The following COL25A1 variants were observed in gnomAD, a reference collection of about 807,000 sequenced individuals.
COL25A1 encodes collagen alpha-1(XXV) chain.
A neutral mutation model predicts 128.4 loss-of-function variants in COL25A1; 103 were observed. That is an observed-to-expected ratio of 0.80 (90% CI 0.68 to 0.94). The LOEUF is 0.94. COL25A1 is among the 40% of genes least tolerant of loss of function. The pLI, the probability that COL25A1 is intolerant of heterozygous loss-of-function variation, is 0.00. For missense variants in COL25A1, 745 were observed against 840.0 expected (o/e 0.89, Z 1.40); for synonymous variants, 279 against 277.2 (o/e 1.01, Z -0.06).
intron 3 of COL25A1, among the ~76,000 whole-genome samples, chr4:109,256,085 G>GGT (rs60794002): frequency 0.12 from 16,523 of 143,178 alleles, 1,035 homozygotes; most frequent in South Asian, 0.2. Flanking sequence ...TTTAAGCATT[G>GGT]GTGTGTGTGT....
At chr4:109,104,224 T>G (rs1766176838) in intron 3 of COL25A1, among the ~76,000 whole-genome samples, 1 of 151,726 alleles carries the variant, frequency 6.6e-6, no homozygotes. Flanking sequence ...AAATGAAAAA[T>G]TAGCTGGGTA....
At chr4:109,041,259 CCTCA>C (rs1455265115) in intron 5 of COL25A1, among the ~76,000 whole-genome samples, 2 of 152,016 alleles carry the variant, frequency 1.3e-5, no homozygotes, top group African/African-American at 4.8e-5. Context: ...GATAAAAAGT[CCTCA>C]CTATCAATGA....
At chr4:109,279,798 T>C (rs1054491459) in intron 3 of COL25A1, among the ~76,000 whole-genome samples, 2 of 152,208 alleles carry the variant, frequency 1.3e-5, no homozygotes, top group Admixed American at 6.5e-5. Context: ...TTTATTCTAC[T>C]ATGTATCTAC....
intron 13 of COL25A1, among the ~76,000 whole-genome samples, chr4:108,916,057 G>A (rs945543812): frequency 7.9e-5 from 12 of 152,134 alleles, no homozygotes; most frequent in Non-Finnish European, 1.8e-4. Flanking sequence ...TGCTGTTTCA[G>A]TGAAGGAGAC....
At chr4:109,042,524 T>C (rs1760015889) in intron 5 of COL25A1, among the ~76,000 whole-genome samples, 1 of 152,024 alleles carries the variant, frequency 6.6e-6, no homozygotes, top group African/African-American at 2.4e-5. Flanking sequence ...AATGACTGAA[T>C]TGATCTAGCT....
intron 3 of COL25A1, among the ~76,000 whole-genome samples, chr4:109,266,717 G>C (rs775067349): frequency 2.6e-5 from 4 of 151,130 alleles, no homozygotes; most frequent in Non-Finnish European, 4.4e-5. Flanking sequence ...CATAGAAAGT[G>C]ACATGAAAAC....
chr4:109,293,068 A>G (rs778278768), intron 3 of COL25A1, among the ~76,000 whole-genome samples: 1 of 152,076 alleles, frequency 6.6e-6, no homozygotes, highest in Non-Finnish European at 1.5e-5. Context: ...TTGGGGTTTC[A>G]TAATTCCTGG....
Position 108,918,163 on chromosome 4 carries a change from A to G in COL25A1, c.780+9T>C. On this transcript the variant is annotated intron_variant, in intron 13 of 37. Transcript: ENST00000399132. ...TTATTTTTAAAATACAATATTCTAT[A>G]GAACTCACCTTTTGCCCATTCATCC... is the stretch of plus-strand genomic sequence containing the variant. 2 of 1,572,360 alleles carry G rather than the reference A, an allele frequency of 1.3e-6. No individual in the cohort carries two copies.
chr4:109,249,480 T>A (rs9991319), intron 3 of COL25A1, among the ~76,000 whole-genome samples: 66,084 of 151,966 alleles, frequency 0.43, 17,280 homozygotes, highest in African/African-American at 0.73. Flanking sequence ...AGCCAAAATC[T>A]ATTTTGAAAT....
intron 18 of COL25A1, among the ~76,000 whole-genome samples, chr4:108,885,327 G>A (rs1216821657): frequency 6.6e-6 from 1 of 152,148 alleles, no homozygotes; most frequent in African/African-American, 2.4e-5. Flanking sequence ...TTATCACAAA[G>A]TGATGTCTGA....
In COL25A1 at chr4:108,811,618, C is replaced by T. The variant is rs1730799456; in HGVS notation, c.*2309G>A. 1 of 152,018 alleles carries T rather than the reference C, an allele frequency of 6.6e-6. No individual in the cohort carries two copies. The highest frequency in any genetic ancestry group is 2.4e-5 in the African/African-American group (1 of 41,430). 9.4% of individuals were successfully genotyped at this position (152,018 alleles called of 1,614,324 possible). ...TTCCTGAAGAGAATGTAGTTCCACC[C>T]ACTTCAGTTCATTTTTCCAAACCAT... On this transcript the variant is annotated 3_prime_UTR_variant, in exon 38 of 38. Transcript: ENST00000399132.
intron 3 of COL25A1, among the ~76,000 whole-genome samples, chr4:109,300,161 C>T (rs576805527): frequency 1.4e-5 from 2 of 140,872 alleles, no homozygotes; most frequent in South Asian, 4.7e-4. Context: ...TAAACGTATG[C>T]CAAAGGGAAT....
At chr4:109,103,930 AAG>A (rs1483012832) in intron 3 of COL25A1, among the ~76,000 whole-genome samples, 1 of 152,126 alleles carries the variant, frequency 6.6e-6, no homozygotes, top group Non-Finnish European at 1.5e-5. Context: ...AATACTGATA[AAG>A]AAAAAGACTT....
chr4:109,264,208 G>A (rs1488040176), intron 3 of COL25A1, among the ~76,000 whole-genome samples: 1 of 152,086 alleles, frequency 6.6e-6, no homozygotes, highest in African/African-American at 2.4e-5. Flanking sequence ...CCAAAAAGTT[G>A]AAAAAAGAAA....
intron 37 of COL25A1, among the ~76,000 whole-genome samples, chr4:108,815,714 ACCATTTCATGAACCAAAAAGATGATGC>A (rs1295900227): frequency 1.3e-5 from 2 of 152,132 alleles, no homozygotes; most frequent in African/African-American, 4.8e-5. Flanking sequence ...AATTTCATGA[ACCATTTCATGAACCAAAAAGATGATGC>A]CCATTTCATG....
chr4:108,821,311 G>A (rs894168698), intron 35 of COL25A1, among the ~76,000 whole-genome samples: 5 of 152,322 alleles, frequency 3.3e-5, no homozygotes, highest in Admixed American at 6.5e-5. Flanking sequence ...CAAAGACAAT[G>A]ATGACCCCAG....
At chr4:109,268,678 C>G (rs186188635) in intron 3 of COL25A1, among the ~76,000 whole-genome samples, 1 of 152,202 alleles carries the variant, frequency 6.6e-6, no homozygotes, top group Non-Finnish European at 1.5e-5. Flanking sequence ...ATGTATAAAC[C>G]AGAAGTAATT....
intron 26 of COL25A1, among the ~76,000 whole-genome samples, chr4:108,849,921 T>C (rs1007113648): frequency 6.6e-6 from 1 of 151,452 alleles, no homozygotes; most frequent in Non-Finnish European, 1.5e-5. Context: ...CTTGTGGTTA[T>C]AAACAAATGA....
chr4:108,838,064 A>T (rs1195113383), intron 31 of COL25A1: 1 of 1,434,530 alleles, frequency 7.0e-7, no homozygotes, highest in South Asian at 1.2e-5. Context: ...AAAATCTGAG[A>T]TTTGCACTAA....
Sources: allele counts gnomAD v4.1 joint callset (sites outside exome capture counted in the v4.1 genomes callset), GRCh38; gene constraint gnomAD v4.1.1; transcripts MANE v1.5; gene names NCBI Gene and HGNC (gene_info 2026-07-23, HGNC 2026-07-21).